DMD: variants seen among roughly 807,000 people sequenced by gnomAD.
DMD encodes dystrophin, also known as mutant dystrophin.
Under a neutral mutation model 330.1 loss-of-function variants are expected in DMD, and 63 were observed. The ratio of observed to expected loss-of-function variants is 0.19; its 90% CI spans 0.16 to 0.24. DMD has a LOEUF of 0.24. Among genes scored for constraint, DMD ranks in the 10% least tolerant of loss-of-function variants. The pLI is 1.00. For synonymous variants in DMD, 1,223 were observed against 959.8 expected (o/e 1.27, Z -5.07); for missense variants, 3,344 against 2,684.1 (o/e 1.25, Z -5.43).
intron 2 of DMD, among the ~76,000 whole-genome samples, chrX:32,980,317 G>T (rs1331638465): frequency 1.1e-5 from 1 of 88,713 alleles, no homozygotes; most frequent in African/African-American, 4.5e-5. Flanking sequence ...AGTGAACCGA[G>T]ATCGCGCCAC....
At chrX:32,355,925 T>A (rs1406194674) in intron 37 of DMD, among the ~76,000 whole-genome samples, 2 of 110,097 alleles carry the variant, frequency 1.8e-5, no homozygotes, top group South Asian at 3.8e-4. Flanking sequence ...ATTAAAAAAA[T>A]TAAAATTTAA....
intron 51 of DMD, among the ~76,000 whole-genome samples, chrX:31,751,856 G>A (rs1302966365): frequency 8.9e-6 from 1 of 111,998 alleles, no homozygotes; most frequent in African/African-American, 3.2e-5. Context: ...CAATTTTGGA[G>A]GTCCAAAGTC....
chrX:32,168,643 G>A (rs1405829476), intron 44 of DMD, among the ~76,000 whole-genome samples: 1 of 109,899 alleles, frequency 9.1e-6, no homozygotes, highest in Non-Finnish European at 1.9e-5. Context: ...ATAACAAACT[G>A]TTACTTAATA....
intron 1 of DMD, among the ~76,000 whole-genome samples, chrX:33,193,090 T>G (rs1323181095): frequency 4.5e-5 from 5 of 111,918 alleles, no homozygotes; most frequent in Admixed American, 9.5e-5. Flanking sequence ...GCAGATCACC[T>G]GAGGTCAGAA....
chrX:32,406,191 T>C (rs1053945605), intron 30 of DMD, among the ~76,000 whole-genome samples: 2 of 111,615 alleles, frequency 1.8e-5, no homozygotes, highest in African/African-American at 6.5e-5. Context: ...AATCATGTCA[T>C]CTGCAAACAG....
At chrX:32,832,836 G>T (rs1015377) in intron 4 of DMD, among the ~76,000 whole-genome samples, 29,699 of 110,091 alleles carry the variant, frequency 0.27, 2,976 homozygotes, top group East Asian at 0.59. Flanking sequence ...AACCTAAACG[G>T]TGGGCCATAT....
rs192351173 is a variant in DMD, at chrX:31,155,071, T to C, written c.10554-7553A>G. On this transcript the variant is annotated intron_variant, in intron 74 of 78. Coordinates refer to ENST00000357033, the MANE Select transcript of DMD (RefSeq NM_004006.3). ...TCAAAAAAACTTCCCAACCAACTAA[T>C]GGACATAAGAGATTAATCAAATTGG... Among the ~76,000 whole-genome samples the C allele has an allele frequency of 2.7e-5, 3 of 112,478 alleles. No individual in the cohort carries two copies. In the East Asian group the frequency reaches 8.3e-4, roughly 31 times the overall value.
intron 2 of DMD, among the ~76,000 whole-genome samples, chrX:32,871,181 G>A (rs939644208): frequency 9.2e-6 from 1 of 108,609 alleles, no homozygotes; most frequent in African/African-American, 3.4e-5. Context: ...TTTCCTCTCT[G>A]CTTCACCAAC....
intron 16 of DMD, among the ~76,000 whole-genome samples, chrX:32,555,689 T>C (rs2050219808): frequency 9.0e-6 from 1 of 111,287 alleles, no homozygotes; most frequent in East Asian, 2.8e-4. Context: ...CCTACAACCA[T>C]CTGATCTTCG....
At chrX:31,320,863 G>A (rs533355709) in intron 62 of DMD, among the ~76,000 whole-genome samples, 1 of 111,760 alleles carries the variant, frequency 8.9e-6, no homozygotes, top group East Asian at 2.8e-4. Flanking sequence ...GAGAAATTAC[G>A]TAATTTCCTC....
chrX:32,734,901 G>T (rs372476405), intron 7 of DMD, among the ~76,000 whole-genome samples: 1 of 104,572 alleles, frequency 9.6e-6, no homozygotes, highest in Non-Finnish European at 1.9e-5. Flanking sequence ...CATAGTGTTG[G>T]AAGTTCTGGC....
At chrX:31,809,499 T>C (rs1400619071) in intron 50 of DMD, among the ~76,000 whole-genome samples, 1 of 109,242 alleles carries the variant, frequency 9.2e-6, no homozygotes, top group Non-Finnish European at 1.9e-5. Flanking sequence ...CTGGTATAGT[T>C]AGTGCTGCTA....
At chrX:31,934,595 G>A (rs1207513978) in intron 45 of DMD, among the ~76,000 whole-genome samples, 1 of 111,515 alleles carries the variant, frequency 9.0e-6, no homozygotes, top group African/African-American at 3.3e-5. Flanking sequence ...TGGGAGCAGG[G>A]TCTGTTTTTA....
chrX:31,930,053 C>G (rs1309521491), intron 46 of DMD, among the ~76,000 whole-genome samples: 1 of 111,205 alleles, frequency 9.0e-6, no homozygotes, highest in Non-Finnish European at 1.9e-5. Flanking sequence ...ATCTCTCTAT[C>G]AGAAATAGAA....
chrX:32,599,672 AAT>A (rs1377178867), intron 12 of DMD, among the ~76,000 whole-genome samples: 4 of 111,901 alleles, frequency 3.6e-5, no homozygotes, highest in Non-Finnish European at 7.5e-5. Flanking sequence ...AAAATATTGT[AAT>A]ATAATATTGT....
At chrX:31,894,454 G>C (rs2094303557) in intron 47 of DMD, among the ~76,000 whole-genome samples, 1 of 111,826 alleles carries the variant, frequency 8.9e-6, no homozygotes, top group Non-Finnish European at 1.9e-5. Context: ...TTCCAGGAGA[G>C]AGCTGAGACA....
intron 2 of DMD, among the ~76,000 whole-genome samples, chrX:32,948,907 A>AT (rs1163117044): frequency 2.7e-5 from 3 of 111,843 alleles, no homozygotes; most frequent in Non-Finnish European, 5.6e-5. Flanking sequence ...GATTGTCTCA[A>AT]TTTTAGAGAC....
At chrX:31,857,154 G>A (rs1442831670) in intron 48 of DMD, among the ~76,000 whole-genome samples, 2 of 109,926 alleles carry the variant, frequency 1.8e-5, no homozygotes, top group African/African-American at 6.6e-5. Flanking sequence ...TGAGGCTGAC[G>A]GATCACTTGA....
Position 33,327,776 on chromosome X carries a change from G to A in DMD, c.7+11483C>T, listed in dbSNP as rs761730290. On this transcript the variant is annotated intron_variant, in intron 1 of 17. Transcript: ENST00000288447. ...GATCATGGAAGGAGTGAAATGCATA[G>A]AATCTTATAAAGATCTGGTTCTGAT... is the stretch of plus-strand genomic sequence containing the variant. Among the ~76,000 whole-genome samples, 9 of 111,177 alleles carry A rather than the reference G, an allele frequency of 8.1e-5. 1 individual carries two copies. The South Asian group carries it at 3.4e-3, about 42-fold the overall frequency.
Sources: gnomAD v4.1 joint callset for allele counts (sites outside exome capture counted in the v4.1 genomes callset) on GRCh38, gnomAD v4.1.1 for gene constraint, MANE v1.5 for transcripts, NCBI Gene and HGNC (gene_info 2026-07-23, HGNC 2026-07-21) for gene names.